RYR2: variants seen among roughly 807,000 people sequenced by gnomAD.
RYR2 encodes ryanodine receptor 2.
Under a neutral mutation model 601.1 loss-of-function variants are expected in RYR2, and 227 were observed. The observed-to-expected ratio is 0.38, with a 90% CI of 0.34 to 0.42. The LOEUF (loss-of-function observed/expected upper bound fraction) is 0.42, where lower values mean the gene tolerates loss of function less well. Among genes scored for constraint, RYR2 ranks in the 10% least tolerant of loss-of-function variants. The pLI, the probability that RYR2 is intolerant of heterozygous loss-of-function variation, is 1.00. For missense variants in RYR2, 4,646 were observed against 6,156.5 expected, an observed-to-expected ratio of 0.75 and a Z score of 8.21; for synonymous variants, 2,223 against 2,175.1, an observed-to-expected ratio of 1.02 and a Z score of -0.61.
chr1:237,171,876 A>G (rs1677439306), intron 1 of RYR2, among the ~76,000 whole-genome samples: 1 of 152,228 alleles, frequency 6.6e-6, no homozygotes, highest in African/African-American at 2.4e-5. Flanking sequence ...CAATGGGAAT[A>G]TCTGCTTTTA....
intron 29 of RYR2, among the ~76,000 whole-genome samples, chr1:237,572,280 T>A (rs940344053): frequency 2.6e-5 from 4 of 152,152 alleles, no homozygotes; most frequent in African/African-American, 9.7e-5. Flanking sequence ...ATTGGCTTTT[T>A]AAAAAATACT....
At chr1:237,533,300 G>A (rs779183146) in intron 25 of RYR2, among the ~76,000 whole-genome samples, 32 of 152,208 alleles carry the variant, frequency 2.1e-4, no homozygotes, top group South Asian at 8.3e-4. Flanking sequence ...GCAGATCAGC[G>A]CGAGCCTAAA....
intron 1 of RYR2, among the ~76,000 whole-genome samples, chr1:237,186,674 C>T (rs569960826): frequency 2.0e-5 from 3 of 152,318 alleles, no homozygotes; most frequent in Non-Finnish European, 2.9e-5. Context: ...GAGTCCCCAT[C>T]ACTGTGCCGA....
Position 237,042,578 on chromosome 1 carries a change from C to T in RYR2, c.48+9C>T. ...TCCAGTTCCTGCGAACTGTAAGCGC[C>T]GTGCGTCGCGTGTGCTGTCAGGGGA... is the stretch of plus-strand genomic sequence containing the variant. On this transcript the variant is annotated intron_variant, in intron 1 of 104. Coordinates refer to ENST00000366574, the MANE Select transcript of RYR2 (RefSeq NM_001035.3). The T allele has an allele frequency of 1.6e-6, 2 of 1,257,996 alleles. No individual in the cohort carries two copies. The highest frequency in any genetic ancestry group is 1.5e-5 in the African/African-American group (1 of 64,960). 77.9% of individuals were successfully genotyped at this position (1,257,996 alleles called of 1,614,324 possible).
chr1:237,125,252 G>C (rs76112761), intron 1 of RYR2, among the ~76,000 whole-genome samples: 1 of 152,046 alleles, frequency 6.6e-6, no homozygotes, highest in Non-Finnish European at 1.5e-5. Flanking sequence ...CCACGCCCAG[G>C]CCTCGGAGGT....
In RYR2 at chr1:237,792,333, TAAGGCACC is replaced by T; in HGVS notation, c.13782+15_13782+22del. Reference sequence around the variant, plus strand: ...ATACTACTGCTTGAAAGTAAGATAGTAAGGCACCAAGGTACCTGTGTGTGTGTGTGTGT... The same window carrying T: ...ATACTACTGCTTGAAAGTAAGATAGTAAGGTACCTGTGTGTGTGTGTGTGT... On this transcript the variant is annotated intron_variant, in intron 94 of 104. Transcript: ENST00000366574. The T allele has an allele frequency of 1.3e-6, 2 of 1,573,426 alleles. No individual in the cohort carries two copies. The highest frequency in any genetic ancestry group is 1.7e-6 in the Non-Finnish European group (2 of 1,149,378).
intron 29 of RYR2, among the ~76,000 whole-genome samples, chr1:237,586,408 A>C (rs2148407991): frequency 6.6e-6 from 1 of 152,320 alleles, no homozygotes. Flanking sequence ...AGCATTATAC[A>C]TACAAGATCT....
intron 2 of RYR2, among the ~76,000 whole-genome samples, chr1:237,284,114 G>A (rs1691188305): frequency 6.6e-6 from 1 of 152,166 alleles, no homozygotes; most frequent in African/African-American, 2.4e-5. Flanking sequence ...CAGGCGTGGT[G>A]GCTCACGCCT....
chr1:237,661,085 C>A, intron 56 of RYR2, 138 bp downstream of exon 56: 2 of 812,730 alleles, frequency 2.5e-6, no homozygotes, highest in Non-Finnish European at 3.4e-6. Context: ...GAGAAAAAAG[C>A]TATATATATA....
At chr1:237,649,575 G>T (rs969591987) in intron 49 of RYR2, among the ~76,000 whole-genome samples, 1 of 152,058 alleles carries the variant, frequency 6.6e-6, no homozygotes, top group Non-Finnish European at 1.5e-5. Flanking sequence ...TGATATTATT[G>T]TCTTCTTACA....
At chr1:237,726,163 T>C in intron 74 of RYR2, 110 bp from the exon 75 acceptor site, 1 of 792,962 alleles carries the variant, frequency 1.3e-6, no homozygotes, top group South Asian at 1.7e-5. Context: ...GTCCAAACAT[T>C]TTAAATGTTT....
At chr1:237,301,524 C>G (rs1420936570) in intron 2 of RYR2, among the ~76,000 whole-genome samples, 2 of 152,132 alleles carry the variant, frequency 1.3e-5, no homozygotes, top group African/African-American at 2.4e-5. Flanking sequence ...TCACGTAACC[C>G]CTTTTCTAAA....
chr1:237,204,224 A>C (rs1681524666), intron 1 of RYR2, among the ~76,000 whole-genome samples: 1 of 152,006 alleles, frequency 6.6e-6, no homozygotes, highest in South Asian at 2.1e-4. Flanking sequence ...GGTCAGGCTG[A>C]TCTCGAACAC....
Position 237,639,143 on chromosome 1 carries a change from A to G in RYR2, c.7057A>G (p.Ile2353Val), listed in dbSNP as rs375356774. The change falls in exon 46 of 105, where the codon ATC becomes GTC. Residue 2353 changes from isoleucine (I) to valine (V), a missense_variant. This residue lies in a region of RYR2 where 1,497 missense variants were observed against 1,842.6 expected (regional missense o/e 0.81). Coordinates refer to ENST00000366574, the MANE Select transcript of RYR2 (RefSeq NM_001035.3). ...TGCAGCAATGGAAGAAGCCATCAAAATCGCCGAGGATCCTTCCCGAGATGG... is the reference window on the plus strand; with the variant it reads ...TGCAGCAATGGAAGAAGCCATCAAAGTCGCCGAGGATCCTTCCCGAGATGG... ...LLAAMEEAIK[I>V]AEDPSRDGPS... 44 of 1,613,758 alleles carry G rather than the reference A, an allele frequency of 2.7e-5. No individual in the cohort carries two copies. The highest frequency in any genetic ancestry group is 3.6e-5 in the Non-Finnish European group (43 of 1,179,848).
chr1:237,046,639 G>A (rs1157537148), intron 1 of RYR2, among the ~76,000 whole-genome samples: 2 of 152,150 alleles, frequency 1.3e-5, no homozygotes, highest in African/African-American at 2.4e-5. Context: ...AAAACGCTTA[G>A]GGCACTAATT....
intron 1 of RYR2, among the ~76,000 whole-genome samples, chr1:237,177,168 T>C (rs1678146996): frequency 6.6e-6 from 1 of 152,226 alleles, no homozygotes; most frequent in Non-Finnish European, 1.5e-5. Context: ...AATCTTTGCA[T>C]GGGTCCTCCT....
At chr1:237,380,653 T>C (rs1701427913) in intron 8 of RYR2, among the ~76,000 whole-genome samples, 1 of 151,562 alleles carries the variant, frequency 6.6e-6, no homozygotes, top group Admixed American at 6.6e-5. Context: ...TTAAGAATGG[T>C]TAAAGAAGTT....
chr1:237,101,593 G>A (rs1300748417), intron 1 of RYR2, among the ~76,000 whole-genome samples: 4 of 152,190 alleles, frequency 2.6e-5, no homozygotes, highest in Non-Finnish European at 5.9e-5. Flanking sequence ...TCTCAATCTT[G>A]TTTAAAGTAC....
intron 36 of RYR2, 142 bp downstream of exon 36, chr1:237,611,130 T>C: frequency 1.5e-6 from 1 of 659,798 alleles, no homozygotes; most frequent in South Asian, 2.2e-5. Flanking sequence ...CTTTAGGCAA[T>C]GGAGTCATTA....
Sources: gnomAD v4.1 joint callset for allele counts (sites outside exome capture counted in the v4.1 genomes callset) on GRCh38, gnomAD v4.1.1 for gene constraint, gnomAD v4.1.1 regional missense constraint, MANE v1.5 for transcripts, NCBI Gene and HGNC (gene_info 2026-07-23, HGNC 2026-07-21) for gene names.